The following THSD4 variants were observed in gnomAD, a reference collection of about 807,000 sequenced individuals.
THSD4 encodes thrombospondin type-1 domain-containing protein 4.
A neutral mutation model predicts 119.0 loss-of-function variants in THSD4; 69 were observed. That is an observed-to-expected ratio of 0.58 (90% CI 0.48 to 0.71). THSD4 has a LOEUF of 0.71. Ranked by LOEUF, THSD4 falls within the 30% of genes least tolerant of loss-of-function variation. The pLI, the probability that THSD4 is intolerant of heterozygous loss-of-function variation, is 0.00. For missense variants in THSD4, 1,393 were observed against 1,391.1 expected, an observed-to-expected ratio of 1.00 and a Z score of -0.02; for synonymous variants, 524 against 540.4, an observed-to-expected ratio of 0.97 and a Z score of 0.42.
chr15:71,145,839 T>G (rs569401044), intron 2 of THSD4, among the ~76,000 whole-genome samples: 15 of 138,502 alleles, frequency 1.1e-4, no homozygotes, highest in African/African-American at 1.6e-4. Context: ...GAGGAGGGAG[T>G]GGAGGAAGGA....
chr15:71,650,853 G>T (rs1012950822), intron 7 of THSD4, among the ~76,000 whole-genome samples: 1 of 152,100 alleles, frequency 6.6e-6, no homozygotes, highest in African/African-American at 2.4e-5. Context: ...TTGTCTGTTG[G>T]CACGCTCTCA....
intron 7 of THSD4, among the ~76,000 whole-genome samples, chr15:71,477,212 A>C (rs1398878891): frequency 2.0e-5 from 3 of 152,210 alleles, no homozygotes; most frequent in African/African-American, 7.2e-5. Context: ...AGCCAGGGCC[A>C]AATGTGTGAG....
Position 71,256,679 on chromosome 15 carries a change from A to G in THSD4, c.979A>G (p.Met327Val). The change falls in exon 6 of 18, where the codon ATG (methionine) becomes GTG (valine). Residue 327 changes from methionine (M) to valine (V), a missense_variant. By Grantham distance (21) the Met-to-Val change is conservative (BLOSUM62 1). Coordinates refer to ENST00000261862, the MANE Select transcript of THSD4 (RefSeq NM_024817.3). ...QCASYNNKPFMGRFYEWEPFA... is the reference protein window; with the variant it reads ...QCASYNNKPFVGRFYEWEPFA... Reference sequence around the variant, plus strand: ...TGCATCCTACAACAACAAGCCATTCATGGGCCGGTTTTATGAGTGGGAACC... The same window carrying G: ...TGCATCCTACAACAACAAGCCATTCGTGGGCCGGTTTTATGAGTGGGAACC... 1 of 1,613,988 alleles carries G rather than the reference A, an allele frequency of 6.2e-7. No individual in the cohort carries two copies. The highest frequency in any genetic ancestry group is 8.5e-7 in the Non-Finnish European group (1 of 1,179,906).
chr15:71,442,241 A>G (rs1442401720), intron 7 of THSD4, among the ~76,000 whole-genome samples: 1 of 150,876 alleles, frequency 6.6e-6, no homozygotes, highest in East Asian at 2.1e-4. Flanking sequence ...TACAGACATG[A>G]GCCACCGCAC....
intron 7 of THSD4, among the ~76,000 whole-genome samples, chr15:71,619,247 C>T (rs1264091475): frequency 6.6e-6 from 1 of 152,192 alleles, no homozygotes; most frequent in Admixed American, 6.5e-5. Flanking sequence ...GCTGGGATTA[C>T]AGGAATGAGC....
chr15:71,764,422 G>A (rs1026440006), intron 15 of THSD4, among the ~76,000 whole-genome samples: 2 of 152,222 alleles, frequency 1.3e-5, no homozygotes, highest in Non-Finnish European at 2.9e-5. Context: ...ACTACCCCAT[G>A]GTGCAGATTT....
intron 6 of THSD4, among the ~76,000 whole-genome samples, chr15:71,386,950 C>G (rs2046300955): frequency 6.6e-6 from 1 of 152,200 alleles, no homozygotes; most frequent in Non-Finnish European, 1.5e-5. Flanking sequence ...GCCTCGTAAT[C>G]AACATGTATT....
intron 7 of THSD4, among the ~76,000 whole-genome samples, chr15:71,625,493 C>T: frequency 6.6e-6 from 1 of 152,206 alleles, no homozygotes; most frequent in South Asian, 2.1e-4. Context: ...ATTCTGCACT[C>T]AAATAAAAGA....
intron 6 of THSD4, among the ~76,000 whole-genome samples, chr15:71,274,828 G>A (rs1306603430): frequency 6.6e-6 from 1 of 152,048 alleles, no homozygotes; most frequent in Non-Finnish European, 1.5e-5. Flanking sequence ...TTCTTTCCTG[G>A]CACTTGAACC....
At chr15:71,303,427 C>T (rs117710931) in intron 6 of THSD4, among the ~76,000 whole-genome samples, 1,558 of 152,308 alleles carry the variant, frequency 0.01, 4 homozygotes, top group Non-Finnish European at 0.018. Context: ...GACAAATGGC[C>T]TCTAACGTTG....
At chr15:71,354,248 G>A (rs890400209) in intron 6 of THSD4, among the ~76,000 whole-genome samples, 13 of 152,136 alleles carry the variant, frequency 8.5e-5, no homozygotes, top group African/African-American at 2.2e-4. Flanking sequence ...TGAGCCATGC[G>A]CCTGCCACTG....
intron 7 of THSD4, among the ~76,000 whole-genome samples, chr15:71,561,505 T>C (rs2049116515): frequency 6.6e-6 from 1 of 151,866 alleles, no homozygotes; most frequent in Non-Finnish European, 1.5e-5. Context: ...GAATGCAAAG[T>C]GAGAAGAATG....
At chr15:71,522,480 A>G (rs1201735551) in intron 7 of THSD4, among the ~76,000 whole-genome samples, 1 of 152,174 alleles carries the variant, frequency 6.6e-6, no homozygotes, top group Non-Finnish European at 1.5e-5. Context: ...AGGGAGGTCC[A>G]GGACAATAAG....
Position 71,448,820 on chromosome 15 carries a change from T to G in THSD4, c.1152+36997T>G, listed in dbSNP as rs538179165. 4.6e-5 allele frequency among the ~76,000 whole-genome samples: 7 copies of G among 152,358 alleles called. No individual in the cohort carries two copies. The South Asian group carries it at 1.4e-3, about 32-fold the overall frequency. On this transcript the variant is annotated intron_variant, in intron 7 of 17. Coordinates refer to ENST00000261862, the MANE Select transcript of THSD4 (RefSeq NM_024817.3). The stretch of plus-strand genomic sequence containing the variant: ...ATGCATTGATTGGGAAACCAGTCAC[T>G]GATAATATTAACTGCCTGGTAGAAA...
intron 6 of THSD4, among the ~76,000 whole-genome samples, chr15:71,333,276 G>A (rs2045450322): frequency 6.6e-6 from 1 of 152,086 alleles, no homozygotes; most frequent in South Asian, 2.1e-4. Context: ...GGCATTCTGA[G>A]TTTTGGCTTT....
chr15:71,418,042 T>C (rs962371695), intron 7 of THSD4, among the ~76,000 whole-genome samples: 1 of 108,678 alleles, frequency 9.2e-6, no homozygotes, highest in East Asian at 3.0e-4. Flanking sequence ...TTGTTTACTA[T>C]TGGCATATAG....
At chr15:71,292,610 G>A (rs1349801865) in intron 6 of THSD4, among the ~76,000 whole-genome samples, 2 of 149,050 alleles carry the variant, frequency 1.3e-5, no homozygotes, top group African/African-American at 4.9e-5. Flanking sequence ...ATAGCATTCT[G>A]TTCTTGTTTC....
intron 7 of THSD4, among the ~76,000 whole-genome samples, chr15:71,511,084 G>A (rs1448567133): frequency 1.3e-5 from 2 of 152,070 alleles, no homozygotes; most frequent in African/African-American, 4.8e-5. Context: ...TGAGTACAGA[G>A]CAAGATAAAG....
intron 10 of THSD4, among the ~76,000 whole-genome samples, chr15:71,736,902 A>G (rs948382001): frequency 6.6e-6 from 1 of 152,252 alleles, no homozygotes; most frequent in Non-Finnish European, 1.5e-5. Context: ...AGGAATAAAG[A>G]TAGTAAATCA....
Sources: gnomAD v4.1 joint callset for allele counts (sites outside exome capture counted in the v4.1 genomes callset) on GRCh38, gnomAD v4.1.1 for gene constraint, MANE v1.5 for transcripts, NCBI Gene and HGNC (gene_info 2026-07-23, HGNC 2026-07-21) for gene names.